The following PRKCE variants were observed in gnomAD, a reference collection of about 807,000 sequenced individuals.
PRKCE encodes protein kinase C epsilon type.
Under a neutral mutation model 85.4 loss-of-function variants are expected in PRKCE, and 16 were observed. The observed-to-expected ratio is 0.19, with a 90% CI of 0.13 to 0.28. PRKCE has a LOEUF of 0.28. PRKCE is among the 10% of genes least tolerant of loss of function. The pLI is 1.00. For missense variants in PRKCE, 573 were observed against 975.2 expected (o/e 0.59, Z 5.49); for synonymous variants, 388 against 371.5 (o/e 1.04, Z -0.51).
chr2:46,032,668 G>A (rs7600159), intron 10 of PRKCE, among the ~76,000 whole-genome samples: 98,039 of 152,088 alleles, frequency 0.64, 34,046 homozygotes, highest in African/African-American at 0.9. Context: ...TTGGAGTCAG[G>A]CTGGCTAGAG....
rs1705025935 is a variant in PRKCE at position 46,004,805 on chromosome 2, C to T, written c.1063+167C>T. Among the ~76,000 whole-genome samples the T allele has an allele frequency of 6.6e-6, 1 of 152,198 alleles. No homozygotes were observed. Among genetic ancestry groups the T allele is most frequent in the South Asian group, 2.1e-4 (1 of 4,832 alleles). ...GTTGATTTAACAGTTCTTTCATTCT[C>T]CAAGACCTTCTTGAGGGCTGGGCAC... is the stretch of plus-strand genomic sequence containing the variant. On this transcript the variant is annotated intron_variant, in intron 8 of 14. Coordinates refer to ENST00000306156, the MANE Select transcript of PRKCE (RefSeq NM_005400.3). The surrounding 1 kb of genome is among the most constrained non-coding windows in gnomAD (Gnocchi z 4.1).
At chr2:45,660,393 C>G (rs1304210335) in intron 1 of PRKCE, among the ~76,000 whole-genome samples, 1 of 152,182 alleles carries the variant, frequency 6.6e-6, no homozygotes, top group Non-Finnish European at 1.5e-5. Context: ...TCCGTCAAGT[C>G]TGAATTTCCC....
intron 1 of PRKCE, among the ~76,000 whole-genome samples, chr2:45,740,043 A>G (rs946436770): frequency 1.3e-5 from 2 of 151,676 alleles, no homozygotes; most frequent in African/African-American, 2.4e-5. Flanking sequence ...TCAGCCAGGC[A>G]TGGTGGCTTG....
At chr2:45,721,695 G>A (rs13007692) in intron 1 of PRKCE, among the ~76,000 whole-genome samples, 66,335 of 151,804 alleles carry the variant, frequency 0.44, 14,712 homozygotes, top group African/African-American at 0.51. Flanking sequence ...TGGGCAACAA[G>A]CTAAACCCCA....
chr2:45,858,859 G>A (rs915364745), intron 2 of PRKCE, among the ~76,000 whole-genome samples: 1 of 151,798 alleles, frequency 6.6e-6, no homozygotes, highest in African/African-American at 2.4e-5. Context: ...TGGCCAACAT[G>A]GTGAAACCCC....
intron 1 of PRKCE, among the ~76,000 whole-genome samples, chr2:45,818,633 C>G (rs1463308685): frequency 2.6e-5 from 4 of 152,196 alleles, no homozygotes; most frequent in Non-Finnish European, 5.9e-5. Context: ...TAGGCCAGCC[C>G]TTTGAGCTGG....
intron 10 of PRKCE, among the ~76,000 whole-genome samples, chr2:46,057,779 C>T (rs1407983919): frequency 6.6e-6 from 1 of 152,042 alleles, no homozygotes; most frequent in African/African-American, 2.4e-5. Flanking sequence ...AGCATTCAGG[C>T]GTCAGTTTGT....
chr2:45,709,525 T>C (rs1159322904), intron 1 of PRKCE, among the ~76,000 whole-genome samples: 1 of 152,226 alleles, frequency 6.6e-6, no homozygotes, highest in Non-Finnish European at 1.5e-5. Context: ...TTGAAAGCTT[T>C]AGTACAGACT....
intron 3 of PRKCE, among the ~76,000 whole-genome samples, chr2:45,977,155 C>A (rs2017889): frequency 0.17 from 26,174 of 152,080 alleles, 3,434 homozygotes; most frequent in East Asian, 0.56. Flanking sequence ...CCTCTGCCCC[C>A]CAAAGTGCTG....
At chr2:46,124,487 C>A (rs993559357) in intron 11 of PRKCE, among the ~76,000 whole-genome samples, 6 of 152,116 alleles carry the variant, frequency 3.9e-5, no homozygotes, top group African/African-American at 1.4e-4. Context: ...TCCACTGATA[C>A]TAATATAAAT....
intron 1 of PRKCE, among the ~76,000 whole-genome samples, chr2:45,693,416 TG>T (rs1239282054): frequency 6.6e-6 from 1 of 151,898 alleles, no homozygotes; most frequent in Non-Finnish European, 1.5e-5. Flanking sequence ...GTTGGAACCA[TG>T]GGGGTGGCTG....
intron 11 of PRKCE, among the ~76,000 whole-genome samples, chr2:46,126,049 G>T (rs1188860697): frequency 6.6e-6 from 1 of 152,222 alleles, no homozygotes; most frequent in Non-Finnish European, 1.5e-5. Context: ...GTGGGCTCAG[G>T]CAGTGTTGTT....
chr2:45,930,824 G>C (rs1020006730), intron 2 of PRKCE, among the ~76,000 whole-genome samples: 1 of 152,086 alleles, frequency 6.6e-6, no homozygotes, highest in African/African-American at 2.4e-5. Flanking sequence ...GAGGAGATAA[G>C]AAGCTTGATG....
intron 10 of PRKCE, among the ~76,000 whole-genome samples, chr2:46,034,391 A>G (rs181230228): frequency 2.0e-5 from 3 of 152,284 alleles, no homozygotes; most frequent in Non-Finnish European, 2.9e-5. Context: ...TCTTCCCCCT[A>G]CTTTCGTAAG....
At chr2:46,166,589 GA>G (rs2104624575) in intron 14 of PRKCE, among the ~76,000 whole-genome samples, 1 of 152,320 alleles carries the variant, frequency 6.6e-6, no homozygotes, top group East Asian at 1.9e-4. Context: ...GCTCTCACAG[GA>G]AAGCCATGTG....
chr2:45,784,532 C>T (rs1686443246), intron 1 of PRKCE, among the ~76,000 whole-genome samples: 1 of 152,166 alleles, frequency 6.6e-6, no homozygotes, highest in East Asian at 1.9e-4. Context: ...GATGTCTTCC[C>T]AGTTCATGGT....
At chr2:46,133,172 C>G (rs1674631736) in intron 11 of PRKCE, among the ~76,000 whole-genome samples, 1 of 152,302 alleles carries the variant, frequency 6.6e-6, no homozygotes, top group East Asian at 1.9e-4. Context: ...GTATTGGGTT[C>G]TACGGTCCAC....
chr2:45,710,530 T>G (rs894270463), intron 1 of PRKCE, among the ~76,000 whole-genome samples: 1 of 152,220 alleles, frequency 6.6e-6, no homozygotes. Flanking sequence ...TCTGTATATT[T>G]TCCTGCATGT....
intron 1 of PRKCE, among the ~76,000 whole-genome samples, chr2:45,839,935 G>T (rs1305114322): frequency 1.3e-5 from 2 of 152,250 alleles, no homozygotes; most frequent in African/African-American, 2.4e-5. Flanking sequence ...CACGGAGGCT[G>T]CAGTGGGTGC....
Sources: allele counts gnomAD v4.1 joint callset (sites outside exome capture counted in the v4.1 genomes callset), GRCh38; gene constraint gnomAD v4.1.1; non-coding constraint Gnocchi (gnomAD v3.1); transcripts MANE v1.5; gene names NCBI Gene and HGNC (gene_info 2026-07-23, HGNC 2026-07-21).